The following LMO7 variants were observed in gnomAD, a reference collection of about 807,000 sequenced individuals.
LMO7 encodes the protein LIM domain 7.
LMO7 carries 120 observed loss-of-function variants against 206.5 expected under a neutral mutation model. That is an observed-to-expected ratio of 0.58 (90% CI 0.50 to 0.68). The LOEUF is 0.68. Ranked by LOEUF, LMO7 falls within the 30% of genes least tolerant of loss-of-function variation. The pLI is 0.00. For synonymous variants in LMO7, 706 were observed against 681.5 expected (o/e 1.04, Z -0.56); for missense variants, 1,959 against 1,957.9 (o/e 1.00, Z -0.01).
Position 75,816,523 on chromosome 13 carries a change from A to C in LMO7, c.1947-638A>C, listed in dbSNP as rs1007139893. Among the ~76,000 whole-genome samples the C allele has an allele frequency of 3.9e-5, 6 of 152,222 alleles. No individual in the cohort carries two copies. In the South Asian group the frequency reaches 1.0e-3, roughly 26 times the overall value. On this transcript the variant is annotated intron_variant, in intron 11 of 30. Coordinates refer to ENST00000377534, the MANE Select transcript of LMO7 (RefSeq NM_001306080.2). Reference sequence around the variant, plus strand: ...CTCTTCCAAAGCTTAACCTCAGTCCATCCTTGTGTTACAAGTTGAAAGCAT... The same window carrying C: ...CTCTTCCAAAGCTTAACCTCAGTCCCTCCTTGTGTTACAAGTTGAAAGCAT...
chr13:75,723,184 AT>A (rs1447222349), intron 2 of LMO7, among the ~76,000 whole-genome samples: 2 of 150,250 alleles, frequency 1.3e-5, no homozygotes, highest in African/African-American at 4.9e-5. Context: ...AAATAAAAAA[AT>A]AAAAGATTAA....
At chr13:75,677,391 T>A (rs1339537728) in intron 1 of LMO7, among the ~76,000 whole-genome samples, 1 of 152,226 alleles carries the variant, frequency 6.6e-6, no homozygotes, top group Non-Finnish European at 1.5e-5. Flanking sequence ...CTATATCATA[T>A]TTAGAAATTA....
At position 75,758,592 on chromosome 13, in the gene LMO7, T is replaced by C. The variant is rs185501720; in HGVS notation, c.211-2340T>C. ...TTTAGCCATATTAATTTGTATCTTCTCTTGAACTTTGTCTTCAACTAAGTA... is the reference window on the plus strand; with the variant it reads ...TTTAGCCATATTAATTTGTATCTTCCCTTGAACTTTGTCTTCAACTAAGTA... On this transcript the variant is annotated intron_variant, in intron 3 of 30. Coordinates refer to ENST00000377534, the MANE Select transcript of LMO7 (RefSeq NM_001306080.2). 2.1e-3 allele frequency among the ~76,000 whole-genome samples: 315 copies of C among 152,344 alleles called. 4 individuals are homozygous for C. The highest frequency in any genetic ancestry group is 1.2e-3 in the Non-Finnish European group (83 of 68,032).
At position 75,727,053 on chromosome 13, in the gene LMO7, C is replaced by A. The variant is rs73536580; in HGVS notation, c.165C>A (p.Gly55=). Reference sequence around the variant, plus strand: ...GTTTGATTAATAAGCTTAAACCTGGCGTCATTAAGAAGATCAATAGACTGT... The same window carrying A: ...GTTTGATTAATAAGCTTAAACCTGGAGTCATTAAGAAGATCAATAGACTGT... ...LCDLINKLKP[G]VIKKINRLST... Residue 55 remains glycine, a synonymous_variant, in exon 3 of 31, where the codon GGC becomes GGA. Coordinates refer to ENST00000377534, the MANE Select transcript of LMO7 (RefSeq NM_001306080.2). 3.8e-6 allele frequency: 6 copies of A among 1,585,578 alleles called. No individual in the cohort carries two copies. The highest frequency in any genetic ancestry group is 4.5e-5 in the East Asian group (2 of 44,564).
intron 1 of LMO7, among the ~76,000 whole-genome samples, chr13:75,641,925 G>T (rs2036577018): frequency 6.6e-6 from 1 of 151,900 alleles, no homozygotes; most frequent in South Asian, 2.1e-4. Flanking sequence ...CTCCTAAAGT[G>T]CTGGGATTAC....
At chr13:75,640,236 G>A (rs917441481) in intron 1 of LMO7, among the ~76,000 whole-genome samples, 2 of 1,538 alleles carry the variant, frequency 1.3e-3, no homozygotes, top group Admixed American at 6.0e-3. Context: ...GTGATTACAG[G>A]TGTGAGCCAC....
At chr13:75,801,793 G>A (rs965528977) in intron 7 of LMO7, among the ~76,000 whole-genome samples, 8 of 152,112 alleles carry the variant, frequency 5.3e-5, no homozygotes, top group African/African-American at 1.9e-4. Context: ...TGTGTATTTG[G>A]AATATTACTT....
chr13:75,662,357 C>T (rs1488631405), intron 1 of LMO7, among the ~76,000 whole-genome samples: 1 of 152,202 alleles, frequency 6.6e-6, no homozygotes, highest in Non-Finnish European at 1.5e-5. Context: ...CTCACTCTGT[C>T]ACCCAGGCTG....
intron 2 of LMO7, among the ~76,000 whole-genome samples, chr13:75,716,413 A>AT (rs1446079865): frequency 6.6e-6 from 1 of 152,120 alleles, no homozygotes; most frequent in African/African-American, 2.4e-5. Context: ...TCTTCATGTT[A>AT]GTCATTTTAG....
chr13:75,763,240 C>G (rs1161946364), intron 4 of LMO7, among the ~76,000 whole-genome samples: 1 of 152,084 alleles, frequency 6.6e-6, no homozygotes, highest in African/African-American at 2.4e-5. Context: ...GTCAGGGATG[C>G]TGCTGAATAC....
intron 3 of LMO7, among the ~76,000 whole-genome samples, chr13:75,750,000 T>C (rs2047142758): frequency 1.3e-5 from 2 of 152,144 alleles, no homozygotes; most frequent in Non-Finnish European, 2.9e-5. Context: ...AAGTTTATTA[T>C]TAGCTATGCC....
intron 3 of LMO7, among the ~76,000 whole-genome samples, chr13:75,731,986 A>G (rs1206288279): frequency 2.0e-5 from 3 of 152,192 alleles, no homozygotes; most frequent in East Asian, 3.8e-4. Flanking sequence ...GTTTCTGCTG[A>G]CAGATCCGCT....
chr13:75,847,273 G>A (rs1459004366), intron 26 of LMO7, among the ~76,000 whole-genome samples: 2 of 152,148 alleles, frequency 1.3e-5, no homozygotes, highest in African/African-American at 2.4e-5. Context: ...GGAATGATAC[G>A]TCAAAGTTGT....
At chr13:75,821,100 T>A in intron 13 of LMO7, 77 bp from the exon 14 acceptor site, 1 of 1,100,096 alleles carries the variant, frequency 9.1e-7, no homozygotes, top group Non-Finnish European at 1.3e-6. Flanking sequence ...GTCCGTTTCA[T>A]GCGTTGATTA....
chr13:75,797,176 A>T (rs138785734), intron 6 of LMO7, among the ~76,000 whole-genome samples: 2 of 152,326 alleles, frequency 1.3e-5, no homozygotes, highest in Non-Finnish European at 2.9e-5. Context: ...GTCATAGATG[A>T]TAGTCTTTAA....
intron 1 of LMO7, among the ~76,000 whole-genome samples, chr13:75,697,568 G>A (rs2137845183): frequency 6.6e-6 from 1 of 152,342 alleles, no homozygotes; most frequent in East Asian, 1.9e-4. Flanking sequence ...TGGGAATTAT[G>A]GGAGCTACAA....
intron 1 of LMO7, among the ~76,000 whole-genome samples, chr13:75,678,160 T>C (rs537821020): frequency 3.3e-5 from 5 of 152,302 alleles, no homozygotes; most frequent in Admixed American, 3.3e-4. Flanking sequence ...ATATACCCAG[T>C]AATGGGATTG....
At chr13:75,650,462 TC>T (rs2037448645) in intron 1 of LMO7, among the ~76,000 whole-genome samples, 1 of 152,032 alleles carries the variant, frequency 6.6e-6, no homozygotes, top group East Asian at 1.9e-4. Context: ...CATCCTGCTC[TC>T]CCCAGAGATC....
intron 1 of LMO7, among the ~76,000 whole-genome samples, chr13:75,707,112 C>G (rs1307119809): frequency 2.0e-5 from 3 of 151,404 alleles, no homozygotes; most frequent in Non-Finnish European, 2.9e-5. Context: ...TTGGTTTTGG[C>G]TTCTTCTGAA....
Sources: gnomAD v4.1 joint callset for allele counts (sites outside exome capture counted in the v4.1 genomes callset) on GRCh38, gnomAD v4.1.1 for gene constraint, MANE v1.5 for transcripts, NCBI Gene and HGNC (gene_info 2026-07-23, HGNC 2026-07-21) for gene names.